The following GPR137C variants were observed in gnomAD, a reference collection of about 807,000 sequenced individuals.
GPR137C encodes the protein G protein-coupled receptor 137C, also known as integral membrane protein GPR137C.
GPR137C carries 27 observed loss-of-function variants against 43.4 expected under a neutral mutation model. The observed-to-expected ratio is 0.62, with a 90% CI of 0.46 to 0.86. The LOEUF (loss-of-function observed/expected upper bound fraction) is 0.86. Among genes scored for constraint, GPR137C ranks in the 40% least tolerant of loss-of-function variants. The probability of loss-of-function intolerance (pLI) is 0.00; values close to 1 mark genes in which losing one functional copy is unlikely to be tolerated. For synonymous variants in GPR137C, 285 were observed against 226.9 expected, an observed-to-expected ratio of 1.26 and a Z score of -2.30; for missense variants, 522 against 534.6, an observed-to-expected ratio of 0.98 and a Z score of 0.23.
In GPR137C at chr14:52,593,063, G is replaced by T. The variant is rs571195181; in HGVS notation, c.445-5209G>T. Among the ~76,000 whole-genome samples the T allele has an allele frequency of 2.6e-4, 40 of 152,156 alleles. No homozygotes were observed. In the South Asian group the frequency reaches 4.8e-3, roughly 18 times the overall value. The stretch of plus-strand genomic sequence containing the variant: ...GAAGGGCTGTTGAATTTAATCGAAG[G>T]CCTTTTCTGCATCTATTGAGATTAT... On this transcript the variant is annotated intron_variant, in intron 1 of 6. Coordinates refer to ENST00000321662, the MANE Select transcript of GPR137C (RefSeq NM_001099652.2).
Position 52,633,522 on chromosome 14 carries a change from A to G in GPR137C, c.868-8A>G. On this transcript the variant is annotated splice_region_variant and splice_polypyrimidine_tract_variant and intron_variant, in intron 4 of 6. Transcript: ENST00000321662. ...ATGTAAAAATTCTCTGCCATGCTCTATTTACAGGCTCATGTAGAAGACATA... is the reference window on the plus strand; with the variant it reads ...ATGTAAAAATTCTCTGCCATGCTCTGTTTACAGGCTCATGTAGAAGACATA... 6.2e-7 allele frequency: 1 copy of G among 1,610,672 alleles called. No homozygotes were observed. Among genetic ancestry groups the G allele is most frequent in the South Asian group, 1.1e-5 (1 of 90,712 alleles).
In GPR137C at chr14:52,553,372, C is replaced by T. The variant is rs1189414710; in HGVS notation, c.225C>T (p.Arg75=). Residue 75 remains arginine (R), a synonymous_variant, in exon 1 of 7, where the codon CGC becomes CGT. Coordinates refer to ENST00000321662, the MANE Select transcript of GPR137C (RefSeq NM_001099652.2). ...AGCTGTGGCGGCTGCTCCTGTACCG[C>T]GAGCGGCGGCTGAGTTACCAGAGCC... is the stretch of plus-strand genomic sequence containing the variant. The part of the protein sequence containing the change: ...YLQLWRLLLY[R]ERRLSYQSLC... The T allele has an allele frequency of 3.1e-6, 5 of 1,603,198 alleles. No individual in the cohort carries two copies. Among genetic ancestry groups the T allele is most frequent in the South Asian group, 1.1e-5 (1 of 90,782 alleles).
At chr14:52,631,777 T>G (rs1249328524) in intron 3 of GPR137C, among the ~76,000 whole-genome samples, 5 of 152,148 alleles carry the variant, frequency 3.3e-5, no homozygotes, top group African/African-American at 1.2e-4. Context: ...TATCAGAAAT[T>G]AAGTGTATCA....
chr14:52,553,153 G>A lies in GPR137C; in HGVS notation c.6G>A (p.Arg2=), dbSNP rs1212966100. The change falls in exon 1 of 7, where the codon AGG becomes AGA. Residue 2 remains arginine (R), a synonymous_variant. Transcript: ENST00000321662. ...GCCCGGCCCCCAGCCCCCTCATGAG[G>A]GTGTCCGTGCCGGGTCCGGCGGCCG... The part of the protein sequence containing the change: M[R]VSVPGPAAAA... 1.7e-6 allele frequency: 2 copies of A among 1,171,518 alleles called. No individual in the cohort carries two copies. Among genetic ancestry groups the A allele is most frequent in the Non-Finnish European group, 1.1e-6 (1 of 951,704 alleles). The allele number at this position is 1,171,518 out of a possible 1,614,324, so 72.6% of individuals were successfully genotyped here.
chr14:52,596,698 G>T (rs970038065), intron 1 of GPR137C, among the ~76,000 whole-genome samples: 3 of 152,240 alleles, frequency 2.0e-5, no homozygotes, highest in Non-Finnish European at 4.4e-5. Flanking sequence ...ATTTGGACGA[G>T]AGTGTACCAT....
At chr14:52,634,059 A>G (rs1484987217) in intron 6 of GPR137C, 113 bp downstream of exon 6, 2 of 683,010 alleles carry the variant, frequency 2.9e-6, no homozygotes, top group Non-Finnish European at 5.2e-6. Context: ...ATATGTCAAT[A>G]AATAAGATCG....
At chr14:52,585,390 C>T (rs1010431026) in intron 1 of GPR137C, among the ~76,000 whole-genome samples, 1 of 152,292 alleles carries the variant, frequency 6.6e-6, no homozygotes, top group South Asian at 2.1e-4. Flanking sequence ...CTCTCTCTCT[C>T]GCTCTGTCTC....
In GPR137C at chr14:52,596,850, A is replaced by G. The variant is rs1566615906; in HGVS notation, c.445-1422A>G. ...TGCACCCACTGTCCAACCAGTCCCA[A>G]TGAGATGAACCAGGTACCTCAATTG... On this transcript the variant is annotated intron_variant, in intron 1 of 6. Transcript: ENST00000321662. 11 of 449,308 alleles carry G rather than the reference A, an allele frequency of 2.4e-5. No individual in the cohort carries two copies. In the East Asian group the frequency reaches 3.5e-4, roughly 14 times the overall value. 27.8% of individuals were successfully genotyped at this position (449,308 alleles called of 1,614,324 possible).
At position 52,598,328 on chromosome 14, in the gene GPR137C, A is replaced by T. The variant is rs1371300973; in HGVS notation, c.488+13A>T. 5.0e-6 allele frequency: 6 copies of T among 1,190,328 alleles called. No individual in the cohort carries two copies. The East Asian group carries it at 1.6e-4, about 31-fold the overall frequency. 73.7% of individuals were successfully genotyped at this position (1,190,328 alleles called of 1,614,324 possible). The stretch of plus-strand genomic sequence containing the variant: ...TTGACAGACACAAGTAAGTTTTATG[A>T]GTATCTAAATTTCTATCTAAAAGAT... On this transcript the variant is annotated intron_variant, in intron 2 of 6. Coordinates refer to ENST00000321662, the MANE Select transcript of GPR137C (RefSeq NM_001099652.2).
At chr14:52,618,832 C>T (rs550730112) in intron 3 of GPR137C, among the ~76,000 whole-genome samples, 5 of 151,884 alleles carry the variant, frequency 3.3e-5, no homozygotes, top group Non-Finnish European at 5.9e-5. Flanking sequence ...GCTTAGTCCC[C>T]GAGATAGCAA....
chr14:52,600,996 T>C (rs1237363254), intron 3 of GPR137C, among the ~76,000 whole-genome samples: 1 of 152,180 alleles, frequency 6.6e-6, no homozygotes, highest in Non-Finnish European at 1.5e-5. Context: ...TGTAGCAAAA[T>C]TTATAAATGC....
chr14:52,621,529 T>C (rs1047227817), intron 3 of GPR137C, among the ~76,000 whole-genome samples: 2 of 151,824 alleles, frequency 1.3e-5, no homozygotes, highest in African/African-American at 4.8e-5. Context: ...TTAACTTCTT[T>C]AAAATATGAT....
intron 3 of GPR137C, among the ~76,000 whole-genome samples, chr14:52,603,790 C>T (rs1203789797): frequency 6.6e-6 from 1 of 152,132 alleles, no homozygotes; most frequent in Non-Finnish European, 1.5e-5. Context: ...CCACCCTCCT[C>T]AGCCTCCCAA....
chr14:52,629,183 G>C (rs912411520), intron 3 of GPR137C, among the ~76,000 whole-genome samples: 1 of 152,176 alleles, frequency 6.6e-6, no homozygotes, highest in African/African-American at 2.4e-5. Flanking sequence ...GTATAAAATT[G>C]TACATCCATT....
In GPR137C at chr14:52,557,369, T is replaced by G. The variant is rs544041067; in HGVS notation, c.444+3778T>G. Among the ~76,000 whole-genome samples, 10 of 152,364 alleles carry G rather than the reference T, an allele frequency of 6.6e-5. No individual in the cohort carries two copies. The South Asian group carries it at 1.9e-3, about 28-fold the overall frequency. ...AAAAGATTTCATACAATATAGAGTT[T>G]TGTTTAATGAAACTTTTTATATCAT... On this transcript the variant is annotated intron_variant, in intron 1 of 6. Coordinates refer to ENST00000321662, the MANE Select transcript of GPR137C (RefSeq NM_001099652.2).
intron 1 of GPR137C, among the ~76,000 whole-genome samples, chr14:52,560,056 C>T (rs932772426): frequency 2.0e-5 from 3 of 152,024 alleles, no homozygotes; most frequent in African/African-American, 7.2e-5. Context: ...ACTTGGGAGG[C>T]TGAGGTGGGA....
chr14:52,618,448 A>G (rs2039123593), intron 3 of GPR137C, among the ~76,000 whole-genome samples: 1 of 152,170 alleles, frequency 6.6e-6, no homozygotes, highest in Admixed American at 6.5e-5. Context: ...GAGTTTAATT[A>G]TGAATGAGCA....
Position 52,620,965 on chromosome 14 carries a change from G to A in GPR137C, c.718-11195G>A, listed in dbSNP as rs533372256. ...TAATTATCATCCCCAAAGGGAAAGA[G>A]GAAGAACATGAAGTTGGAAAAAATA... is the stretch of plus-strand genomic sequence containing the variant. On this transcript the variant is annotated intron_variant, in intron 3 of 6. Transcript: ENST00000321662. 9.9e-5 allele frequency among the ~76,000 whole-genome samples: 15 copies of A among 151,812 alleles called. No individual in the cohort carries two copies. The South Asian group carries it at 3.1e-3, about 32-fold the overall frequency.
chr14:52,633,345 G>A (rs771747042), intron 4 of GPR137C, among the ~76,000 whole-genome samples, 185 bp from the exon 5 acceptor site: 1 of 151,986 alleles, frequency 6.6e-6, no homozygotes, highest in Non-Finnish European at 1.5e-5. Context: ...TAGCTTCAAA[G>A]CATTTTATGT....
Sources: allele counts gnomAD v4.1 joint callset (sites outside exome capture counted in the v4.1 genomes callset), GRCh38; gene constraint gnomAD v4.1.1; transcripts MANE v1.5; gene names NCBI Gene and HGNC (gene_info 2026-07-23, HGNC 2026-07-21).